MANBA: variants seen among roughly 807,000 people sequenced by gnomAD.
MANBA encodes the protein mannosidase beta.
MANBA carries 83 observed loss-of-function variants against 111.1 expected under a neutral mutation model. The observed-to-expected ratio is 0.75, with a 90% CI of 0.63 to 0.90. MANBA has a LOEUF of 0.90. Among genes scored for constraint, MANBA ranks in the 40% least tolerant of loss-of-function variants. The probability of loss-of-function intolerance (pLI) is 0.00; values close to 1 mark genes in which losing one functional copy is unlikely to be tolerated. For missense variants in MANBA, 1,036 were observed against 1,069.0 expected (o/e 0.97, Z 0.43); for synonymous variants, 370 against 378.7 (o/e 0.98, Z 0.27).
chr4:102,671,880 T>C (rs1731514635), intron 8 of MANBA: 3 of 421,602 alleles, frequency 7.1e-6, no homozygotes, highest in African/African-American at 2.1e-5. Flanking sequence ...CTCAGGAAAA[T>C]CTAGAAACTT....
intron 13 of MANBA, among the ~76,000 whole-genome samples, chr4:102,647,463 T>A (rs1578866890): frequency 6.6e-6 from 1 of 151,538 alleles, no homozygotes; most frequent in African/African-American, 2.4e-5. Context: ...TTCTATCAGT[T>A]CTTGGAATAT....
rs201779762 is a variant in MANBA at position 102,634,892 on chromosome 4, C to A, written c.2311G>T (p.Val771Phe). Residue 771 changes from valine (V) to phenylalanine (F), a missense_variant, in exon 16 of 17, where the codon GTT (valine) becomes TTT (phenylalanine). Transcript: ENST00000647097. Reference protein sequence around the residue: ...CGNCTRESCVVSFYLSADHEL... With the variant: ...CGNCTRESCVFSFYLSADHEL... ...TGGTCAGCTGAAAGGTAAAAGGAAACCACACAGCTTTCCCGTGTGCAATTC... is the reference window on the plus strand; with the variant it reads ...TGGTCAGCTGAAAGGTAAAAGGAAAACACACAGCTTTCCCGTGTGCAATTC... 7.8e-5 allele frequency: 126 copies of A among 1,614,096 alleles called. No individual in the cohort carries two copies. Among genetic ancestry groups the A allele is most frequent in the African/African-American group, 1.3e-5 (1 of 74,916 alleles).
At chr4:102,646,171 C>A (rs1393146905) in intron 13 of MANBA, among the ~76,000 whole-genome samples, 2 of 152,028 alleles carry the variant, frequency 1.3e-5, no homozygotes, top group African/African-American at 4.8e-5. Context: ...TTAGTAGATA[C>A]CCAAAGAATG....
chr4:102,729,124 G>A (rs544482810), intron 1 of MANBA: 14 of 733,446 alleles, frequency 1.9e-5, no homozygotes, highest in Admixed American at 3.5e-5. Context: ...ACAGCTTGGC[G>A]TTGGCATCCT....
chr4:102,703,605 G>A (rs1299119588), intron 5 of MANBA, among the ~76,000 whole-genome samples: 3 of 152,174 alleles, frequency 2.0e-5, no homozygotes, highest in Non-Finnish European at 4.4e-5. Context: ...CAGTGCTTGA[G>A]ATATTCTGCA....
intron 5 of MANBA, among the ~76,000 whole-genome samples, chr4:102,702,765 C>T (rs773944303): frequency 7.2e-5 from 11 of 152,180 alleles, no homozygotes; most frequent in Admixed American, 1.3e-4. Flanking sequence ...CTGTCATACA[C>T]AAGTTAGGGA....
rs1677865878 is a variant in MANBA at position 102,709,265 on chromosome 4, G to A, written c.673+5173C>T. On this transcript the variant is annotated intron_variant, in intron 5 of 16. Transcript: ENST00000647097. ...AAAGGAAGAAAGAAAGAAAGAGAGA[G>A]AGAGAAAGAAAAGAAAGAAAGGAAG... is the stretch of plus-strand genomic sequence containing the variant. Among the ~76,000 whole-genome samples, 2 of 119,504 alleles carry A rather than the reference G, an allele frequency of 1.7e-5. 1 individual carries two copies. Among genetic ancestry groups the A allele is most frequent in the South Asian group, 5.8e-4 (2 of 3,458 alleles). 78.4% of individuals were successfully genotyped at this position (119,504 alleles called of 152,430 possible). A position where few individuals can be genotyped will look rare whatever the true frequency, so the allele number is the denominator to read the frequency against.
chr4:102,749,772 G>A (rs911408232), intron 1 of MANBA, among the ~76,000 whole-genome samples: 12 of 152,168 alleles, frequency 7.9e-5, no homozygotes, highest in African/African-American at 4.8e-5. Context: ...TGCATCACAC[G>A]TGGAAGACAT....
intron 14 of MANBA, among the ~76,000 whole-genome samples, chr4:102,638,679 G>A (rs1729735140): frequency 6.6e-6 from 1 of 152,148 alleles, no homozygotes; most frequent in South Asian, 2.1e-4. Context: ...CAGCATCCCA[G>A]AAGGATTTTC....
chr4:102,744,097 T>A (rs1372769158), intron 1 of MANBA, among the ~76,000 whole-genome samples: 1 of 152,254 alleles, frequency 6.6e-6, no homozygotes, highest in South Asian at 2.1e-4. Context: ...AGTCACTTGC[T>A]AAATGTGTCA....
At chr4:102,690,134 A>C (rs1732408950) in intron 6 of MANBA, among the ~76,000 whole-genome samples, 1 of 152,176 alleles carries the variant, frequency 6.6e-6, no homozygotes, top group Non-Finnish European at 1.5e-5. Context: ...GGAATAGAAA[A>C]AAGAAAAAGA....
intron 8 of MANBA, 96 bp downstream of exon 8, chr4:102,673,823 T>C (rs1203220592): frequency 8.5e-7 from 1 of 1,175,224 alleles, no homozygotes; most frequent in Non-Finnish European, 1.3e-6. Context: ...TCTTAGTTCC[T>C]TGCCCAGAGA....
intron 1 of MANBA, among the ~76,000 whole-genome samples, chr4:102,732,780 G>T (rs1212708614): frequency 6.6e-6 from 1 of 152,228 alleles, no homozygotes; most frequent in African/African-American, 2.4e-5. Context: ...TACAGACACA[G>T]GGTTGAAGAG....
intron 5 of MANBA, among the ~76,000 whole-genome samples, chr4:102,697,312 T>C (rs1181888852): frequency 6.6e-6 from 1 of 152,208 alleles, no homozygotes. Flanking sequence ...AAAAAATGCA[T>C]GCTTATCAAA....
At chr4:102,746,971 C>CAAAA (rs575851183) in intron 1 of MANBA, among the ~76,000 whole-genome samples, 4 of 91,914 alleles carry the variant, frequency 4.4e-5, no homozygotes, top group East Asian at 3.2e-4. Flanking sequence ...GACTCCATCT[C>CAAAA]AAAAAAAAAA....
At chr4:102,698,301 T>C (rs947873310) in intron 5 of MANBA, among the ~76,000 whole-genome samples, 1 of 151,908 alleles carries the variant, frequency 6.6e-6, no homozygotes, top group Non-Finnish European at 1.5e-5. Flanking sequence ...TCCCATTTTG[T>C]GGGTTGCCTG....
At chr4:102,741,723 T>C (rs1723410692) in intron 1 of MANBA, among the ~76,000 whole-genome samples, 1 of 152,252 alleles carries the variant, frequency 6.6e-6, no homozygotes, top group South Asian at 2.1e-4. Context: ...ACCTAAGCTA[T>C]GAGGATGCAA....
chr4:102,653,163 A>G (rs181182009), intron 12 of MANBA, among the ~76,000 whole-genome samples: 20 of 151,810 alleles, frequency 1.3e-4, no homozygotes, highest in East Asian at 5.8e-4. Flanking sequence ...GAGTGCTTCA[A>G]TGTATTAGTT....
At chr4:102,647,849 C>G (rs1446520153) in intron 13 of MANBA, among the ~76,000 whole-genome samples, 1 of 152,032 alleles carries the variant, frequency 6.6e-6, no homozygotes, top group African/African-American at 2.4e-5. Flanking sequence ...TAGTTTCTAT[C>G]ATGGGGTTTG....
Sources: gnomAD v4.1 joint callset for allele counts (sites outside exome capture counted in the v4.1 genomes callset) on GRCh38, gnomAD v4.1.1 for gene constraint, MANE v1.5 for transcripts, NCBI Gene and HGNC (gene_info 2026-07-23, HGNC 2026-07-21) for gene names.